The following RIN2 variants were observed in gnomAD, a reference collection of about 807,000 sequenced individuals.
RIN2 encodes the protein RAB5 interacting protein 2.
A neutral mutation model predicts 78.0 loss-of-function variants in RIN2; 36 were observed. The observed-to-expected ratio is 0.46, with a 90% CI of 0.35 to 0.61. RIN2 has a LOEUF of 0.61. RIN2 is among the 20% of genes least tolerant of loss of function. The pLI is 0.00. For missense variants in RIN2, 1,087 were observed against 1,159.7 expected (o/e 0.94, Z 0.91); for synonymous variants, 466 against 466.8 (o/e 1.00, Z 0.02).
At chr20:19,926,867 C>A (rs1365091733) in intron 3 of RIN2, among the ~76,000 whole-genome samples, 3 of 152,210 alleles carry the variant, frequency 2.0e-5, no homozygotes, top group Non-Finnish European at 4.4e-5. Context: ...TAAGCACTTT[C>A]TTATTTGACT....
chr20:19,988,164 G>T (rs908911135), intron 9 of RIN2, among the ~76,000 whole-genome samples: 27 of 152,208 alleles, frequency 1.8e-4, no homozygotes, highest in Non-Finnish European at 7.3e-5. Context: ...TGTCACTCAG[G>T]CTGGAGTGCA....
At chr20:19,893,041 C>T (rs2038555956) in intron 3 of RIN2, among the ~76,000 whole-genome samples, 1 of 152,186 alleles carries the variant, frequency 6.6e-6, no homozygotes, top group African/African-American at 2.4e-5. Flanking sequence ...AGATATTAAT[C>T]AAATAATCAC....
rs143920040 is a variant in RIN2 at position 19,820,774 on chromosome 20, G to A, written c.-37+21027G>A. Among the ~76,000 whole-genome samples, 96 of 152,288 alleles carry A rather than the reference G, an allele frequency of 6.3e-4. 1 individual carries two copies. In the East Asian group the frequency reaches 0.013, roughly 20 times the overall value. On this transcript the variant is annotated intron_variant, in intron 2 of 12. Coordinates refer to ENST00000255006, the MANE Select transcript of RIN2 (RefSeq NM_018993.4). ...TCCCTCAGGGTTTCTGATGCGATAG[G>A]TCTGGACTGGAGCCTGATAATTTGC...
At chr20:19,939,224 T>G (rs555504559) in intron 4 of RIN2, among the ~76,000 whole-genome samples, 1 of 152,244 alleles carries the variant, frequency 6.6e-6, no homozygotes, top group African/African-American at 2.4e-5. Flanking sequence ...ATTTTTGTAA[T>G]TTTAGTAGAG....
rs147859226 is a variant in RIN2, at chr20:19,940,353, G to A, written c.158+5154G>A. On this transcript the variant is annotated intron_variant, in intron 4 of 12. Transcript: ENST00000255006. ...AGTATTCTTGCCTCAGAGACCTCTT[G>A]CAGGTGGCCACCAACCGGTGCATAA... Among the ~76,000 whole-genome samples, 492 of 152,292 alleles carry A rather than the reference G, an allele frequency of 3.2e-3. 2 individuals are homozygous for A. The highest frequency in any genetic ancestry group is 0.011 in the African/African-American group (467 of 41,568).
At chr20:19,984,843 G>A (rs575298954) in intron 9 of RIN2, among the ~76,000 whole-genome samples, 28 of 152,314 alleles carry the variant, frequency 1.8e-4, no homozygotes, top group African/African-American at 6.5e-4. Flanking sequence ...CCATTATGAA[G>A]CATGTGATTA....
At chr20:19,944,371 G>A (rs1341782203) in intron 4 of RIN2, among the ~76,000 whole-genome samples, 1 of 152,066 alleles carries the variant, frequency 6.6e-6, no homozygotes, top group East Asian at 1.9e-4. Context: ...CTGCAGCTTG[G>A]CATTTGAGGT....
At chr20:19,834,800 A>G (rs1183301588) in intron 2 of RIN2, among the ~76,000 whole-genome samples, 1 of 152,078 alleles carries the variant, frequency 6.6e-6, no homozygotes, top group African/African-American at 2.4e-5. Context: ...TTAAAACTTG[A>G]CTCTAGGCCA....
At chr20:19,954,116 A>T (rs2041438131) in intron 4 of RIN2, among the ~76,000 whole-genome samples, 1 of 152,236 alleles carries the variant, frequency 6.6e-6, no homozygotes, top group South Asian at 2.1e-4. Flanking sequence ...ATTATTATTG[A>T]GTCTGCACAC....
intron 2 of RIN2, among the ~76,000 whole-genome samples, chr20:19,801,787 G>A (rs575505519): frequency 1.4e-4 from 21 of 152,308 alleles, no homozygotes; most frequent in Admixed American, 1.2e-3. Context: ...AGCATTAGAT[G>A]TGAATTTTCT....
At chr20:19,840,129 A>G (rs748456558) in intron 2 of RIN2, among the ~76,000 whole-genome samples, 1 of 152,228 alleles carries the variant, frequency 6.6e-6, no homozygotes, top group Non-Finnish European at 1.5e-5. Context: ...TTCTATAATC[A>G]AGGAAAAAGC....
intron 2 of RIN2, chr20:19,886,568 A>G (rs949254198): frequency 1.5e-6 from 1 of 653,284 alleles, no homozygotes; most frequent in African/African-American, 1.9e-5. Flanking sequence ...AAATGTTTGC[A>G]GTGTCCTTAG....
intron 8 of RIN2, among the ~76,000 whole-genome samples, chr20:19,973,754 A>C (rs1245926666): frequency 4.0e-5 from 6 of 151,794 alleles, no homozygotes; most frequent in Non-Finnish European, 8.8e-5. Flanking sequence ...GTGCCACTGC[A>C]CTCCAGCCTG....
intron 1 of RIN2, among the ~76,000 whole-genome samples, chr20:19,797,419 A>G (rs976302219): frequency 1.3e-5 from 2 of 152,216 alleles, no homozygotes; most frequent in Admixed American, 1.3e-4. Flanking sequence ...TTTTATAACT[A>G]TGTAAAAGCA....
chr20:19,940,982 T>A (rs1361899752), intron 4 of RIN2, among the ~76,000 whole-genome samples: 1 of 152,194 alleles, frequency 6.6e-6, no homozygotes. Context: ...CTGCAGCTCA[T>A]CCCTTCCTCC....
chr20:19,758,234 T>C (rs1028460703), upstream of RIN2: 4 of 137,570 alleles, frequency 2.9e-5, no homozygotes, highest in African/African-American at 9.9e-5. Flanking sequence ...CTCCTCCTCT[T>C]GCTCCTCCCG....
chr20:19,809,678 G>A (rs879497032), intron 2 of RIN2: 1 of 152,440 alleles, frequency 6.6e-6, no homozygotes, highest in Non-Finnish European at 1.5e-5. Context: ...TGGAGAGGGA[G>A]CTCCCGAAGC....
intron 5 of RIN2, among the ~76,000 whole-genome samples, chr20:19,958,490 C>T (rs539847562): frequency 5.8e-4 from 89 of 152,398 alleles, no homozygotes; most frequent in African/African-American, 2.0e-3. Flanking sequence ...CCTGCCTGAT[C>T]CCTGCACAGG....
intron 2 of RIN2, among the ~76,000 whole-genome samples, chr20:19,826,452 A>C (rs2036092237): frequency 2.0e-5 from 3 of 152,168 alleles, no homozygotes; most frequent in African/African-American, 7.2e-5. Context: ...CTGTTTTCAT[A>C]GTCATGGAGC....
Sources: gnomAD v4.1 joint callset for allele counts (sites outside exome capture counted in the v4.1 genomes callset) on GRCh38, gnomAD v4.1.1 for gene constraint, MANE v1.5 for transcripts, NCBI Gene and HGNC (gene_info 2026-07-23, HGNC 2026-07-21) for gene names.